DEPDC4: variants seen among roughly 807,000 people sequenced by gnomAD.
DEPDC4 encodes the protein DEP domain-containing protein 4.
Under a neutral mutation model 52.0 loss-of-function variants are expected in DEPDC4, and 52 were observed. The observed-to-expected ratio is 1.00, with a 90% CI of 0.80 to 1.26. The LOEUF is 1.26. Among genes scored for constraint, DEPDC4 ranks in the 50% most tolerant of loss-of-function variants. DEPDC4 has a pLI of 0.00. For synonymous variants in DEPDC4, 201 were observed against 196.8 expected (o/e 1.02, Z -0.18); for missense variants, 530 against 546.9 (o/e 0.97, Z 0.31).
At chr12:100,258,976 C>T (rs2096244099) in intron 3 of DEPDC4, among the ~76,000 whole-genome samples, 1 of 151,712 alleles carries the variant, frequency 6.6e-6, no homozygotes, top group African/African-American at 2.4e-5. Flanking sequence ...GAGGCTGAGG[C>T]ACAAGAATCA....
intron 8 of DEPDC4, among the ~76,000 whole-genome samples, chr12:100,245,415 C>T (rs2096180909): frequency 6.6e-6 from 1 of 152,146 alleles, no homozygotes; most frequent in Admixed American, 6.5e-5. Context: ...TACAGGCACC[C>T]ACCACCATGC....
intron 9 of DEPDC4, among the ~76,000 whole-genome samples, chr12:100,233,385 C>T (rs984564762): frequency 2.6e-5 from 4 of 152,220 alleles, no homozygotes; most frequent in Admixed American, 2.6e-4. Flanking sequence ...GATGCTGTTA[C>T]AAATTCTAAC....
At chr12:100,277,842 T>C in the DEPDC4 span, among the ~76,000 whole-genome samples, 43 of 152,284 alleles carry the variant, frequency 2.8e-4, no homozygotes, top group African/African-American at 1.0e-3. Flanking sequence ...TAACTAAATT[T>C]TATCTCTACA....
the DEPDC4 span, among the ~76,000 whole-genome samples, chr12:100,277,298 C>G: frequency 6.6e-6 from 1 of 152,192 alleles, no homozygotes; most frequent in African/African-American, 2.4e-5. Context: ...GTTGAAGTCT[C>G]TGTCCTTACT....
At chr12:100,261,363 G>T (rs1339089947) in intron 3 of DEPDC4, among the ~76,000 whole-genome samples, 1 of 152,084 alleles carries the variant, frequency 6.6e-6, no homozygotes, top group African/African-American at 2.4e-5. Context: ...TGGAGTAAAG[G>T]GCCATTAATG....
At chr12:100,278,595 T>C in the DEPDC4 span, among the ~76,000 whole-genome samples, 121 of 152,186 alleles carry the variant, frequency 8.0e-4, no homozygotes, top group African/African-American at 2.8e-3. Context: ...AGTTGTTCTT[T>C]GGCATGTGTT....
upstream of DEPDC4, among the ~76,000 whole-genome samples, chr12:100,269,593 A>T (rs1332818339): frequency 6.6e-6 from 1 of 152,192 alleles, no homozygotes; most frequent in Non-Finnish European, 1.5e-5. Flanking sequence ...GTTAATCCTT[A>T]TAACAATCAC....
downstream of DEPDC4, among the ~76,000 whole-genome samples, chr12:100,235,880 A>G (rs1245669608): frequency 6.6e-6 from 1 of 152,050 alleles, no homozygotes; most frequent in Admixed American, 6.6e-5. Context: ...GGCCCACTGT[A>G]TCACTCTTAG....
At position 100,241,865 on chromosome 12, in the gene DEPDC4, ACAAAAG is replaced by A; in HGVS notation, c.*47-26_*47-21del. 1.5e-5 allele frequency: 18 copies of A among 1,174,580 alleles called. No homozygotes were observed. The highest frequency in any genetic ancestry group is 7.5e-6 in the Non-Finnish European group (7 of 933,600). 72.8% of individuals were successfully genotyped at this position (1,174,580 alleles called of 1,614,324 possible). The stretch of plus-strand genomic sequence containing the variant: ...TAAAGCCTGGAAAAAAAAAAAAAAA[ACAAAAG>A]AAAAAGAAAAGTACCACTGGAAAAG... On this transcript the variant is annotated intron_variant, in intron 9 of 9. Transcript: ENST00000550587.
chr12:100,270,417 C>T (rs2096286359), upstream of DEPDC4, among the ~76,000 whole-genome samples: 1 of 152,052 alleles, frequency 6.6e-6, no homozygotes, highest in Non-Finnish European at 1.5e-5. Flanking sequence ...GAGAAACTGT[C>T]ACCCCTCTGC....
chr12:100,279,997 G>C, the DEPDC4 span, among the ~76,000 whole-genome samples: 2 of 152,168 alleles, frequency 1.3e-5, no homozygotes, highest in African/African-American at 4.8e-5. Context: ...TGTCCCTCCA[G>C]CTTCTCAATT....
intron 1 of DEPDC4, among the ~76,000 whole-genome samples, chr12:100,266,187 T>TA (rs56411740): frequency 0.13 from 20,222 of 152,218 alleles, 1,770 homozygotes; most frequent in Non-Finnish European, 0.19. Flanking sequence ...TCCAAGAACT[T>TA]AAGCTCTCTT....
chr12:100,263,541 G>A lies in DEPDC4; in HGVS notation c.510C>T (p.Cys170=), dbSNP rs745993388. The A allele has an allele frequency of 8.1e-6, 13 of 1,604,290 alleles. No homozygotes were observed. The African/African-American group carries it at 1.2e-4, about 15-fold the overall frequency. The change falls in exon 2 of 10, where the codon TGC becomes TGT. Residue 170 remains cysteine, a synonymous_variant. Transcript: ENST00000550587. Reference sequence around the variant, plus strand: ...CATTCTCAGCATCCTTTTGTCTTTTGCAACAATCGTAAGATGATTTATTGC... The same window carrying A: ...CATTCTCAGCATCCTTTTGTCTTTTACAACAATCGTAAGATGATTTATTGC... ...FLGNKSSYDC[C]KRQKDAENEF...
rs1555310286 is a variant in DEPDC4, at chr12:100,244,093, GTGTATATA to G, written c.1454-1532_1454-1525del. On this transcript the variant is annotated intron_variant, in intron 8 of 9. Coordinates refer to ENST00000550587, the MANE Select transcript of DEPDC4 (RefSeq NM_001364818.2). ...TCCCTCTCTCTCTCTCTCTCTCTCT[GTGTATATA>G]TATATATATATATATATATATATAT... is the stretch of plus-strand genomic sequence containing the variant. Among the ~76,000 whole-genome samples the G allele has an allele frequency of 5.9e-3, 528 of 89,314 alleles. 25 individuals are homozygous for G. The highest frequency in any genetic ancestry group is 0.013 in the African/African-American group (321 of 25,454). 58.6% of individuals were successfully genotyped at this position (89,314 alleles called of 152,430 possible).
chr12:100,273,226 G>A, the DEPDC4 span, among the ~76,000 whole-genome samples: 3 of 151,962 alleles, frequency 2.0e-5, no homozygotes, highest in Admixed American at 6.6e-5. Flanking sequence ...TTTTTCTTCA[G>A]CTTTTAACTG....
At position 100,252,525 on chromosome 12, in the gene DEPDC4, T is replaced by C. The variant is rs1210552010; in HGVS notation, c.1117A>G (p.Arg373Gly). ...TGTGTTGCTTCAAGTGCTTCTGCTC[T>C]TTTCTCATTTTCTGTTATATAGGTT... ...GIIELLENEKRAEALEATQLY... is the reference protein window; with the variant it reads ...GIIELLENEKGAEALEATQLY... The change falls in exon 6 of 10, where the codon AGA (arginine) becomes GGA (glycine). Residue 373 changes from arginine to glycine, a missense_variant. Arg to Gly is a moderately radical substitution (Grantham distance 125). Coordinates refer to ENST00000550587, the MANE Select transcript of DEPDC4 (RefSeq NM_001364818.2). The C allele has an allele frequency of 3.8e-6, 6 of 1,598,606 alleles. No homozygotes were observed. The South Asian group carries it at 4.5e-5, about 12-fold the overall frequency.
intron 4 of DEPDC4, among the ~76,000 whole-genome samples, chr12:100,254,360 C>G (rs957605989): frequency 1.7e-4 from 20 of 117,372 alleles, no homozygotes; most frequent in African/African-American, 6.4e-4. Flanking sequence ...GCATCTTACT[C>G]TGTTGCCCAG....
At chr12:100,275,194 C>G in the DEPDC4 span, among the ~76,000 whole-genome samples, 1 of 151,640 alleles carries the variant, frequency 6.6e-6, no homozygotes, top group South Asian at 2.1e-4. Flanking sequence ...CATAGAAATG[C>G]AATTTCTTTT....
chr12:100,272,665 G>A, the DEPDC4 span, among the ~76,000 whole-genome samples: 4 of 152,078 alleles, frequency 2.6e-5, no homozygotes, highest in South Asian at 2.1e-4. Context: ...TCTATATGTC[G>A]TTGGTAAATG....
Sources: allele counts gnomAD v4.1 joint callset (sites outside exome capture counted in the v4.1 genomes callset), GRCh38; gene constraint gnomAD v4.1.1; transcripts MANE v1.5; gene names NCBI Gene and HGNC (gene_info 2026-07-23, HGNC 2026-07-21).